Variants in SYNDIG1 observed in about 807,000 individuals in gnomAD.
SYNDIG1 encodes synapse differentiation inducing 1.
A neutral mutation model predicts 19.4 loss-of-function variants in SYNDIG1; 9 were observed. The ratio of observed to expected loss-of-function variants is 0.46; its 90% CI spans 0.28 to 0.81. SYNDIG1 has a LOEUF of 0.81. Among genes scored for constraint, SYNDIG1 ranks in the 30% least tolerant of loss-of-function variants. SYNDIG1 has a pLI of 0.12. For missense variants in SYNDIG1, 311 were observed against 343.3 expected (o/e 0.91, Z 0.74); for synonymous variants, 141 against 145.9 (o/e 0.97, Z 0.24).
At chr20:24,662,202 C>T (rs536221212) in intron 3 of SYNDIG1, among the ~76,000 whole-genome samples, 2 of 151,822 alleles carry the variant, frequency 1.3e-5, no homozygotes, top group East Asian at 3.9e-4. Flanking sequence ...TGTCCGTCCT[C>T]TGCTTGTGTA....
At chr20:24,534,059 A>G (rs1322321797) in intron 1 of SYNDIG1, among the ~76,000 whole-genome samples, 1 of 152,030 alleles carries the variant, frequency 6.6e-6, no homozygotes, top group Non-Finnish European at 1.5e-5. Flanking sequence ...ACAAAGGGGG[A>G]GCAAGAGAAA....
At chr20:24,632,212 C>A (rs369340307) in intron 3 of SYNDIG1, among the ~76,000 whole-genome samples, 1 of 152,080 alleles carries the variant, frequency 6.6e-6, no homozygotes, top group Non-Finnish European at 1.5e-5. Context: ...TTCCCTGCTG[C>A]GTAGATTTCA....
rs1181928495 is a variant in SYNDIG1 at position 24,543,297 on chromosome 20, G to A, written c.200G>A (p.Ser67Asn). ...CCGGCCAGCCTGGACAGCAGCAGGA[G>A]TGAGCCGATGCAGCAGCTGCTGGAC... is the stretch of plus-strand genomic sequence containing the variant. The part of the protein sequence containing the change: ...TVPASLDSSR[S>N]EPMQQLLDPN... Residue 67 changes from serine to asparagine, a missense_variant, in exon 2 of 4, where the codon AGT becomes AAT. By Grantham distance (46) the Ser-to-Asn change is conservative (BLOSUM62 1). Transcript: ENST00000376862. 1.2e-6 allele frequency: 2 copies of A among 1,613,496 alleles called. No homozygotes were observed. Among genetic ancestry groups the A allele is most frequent in the East Asian group, 2.2e-5 (1 of 44,900 alleles).
At chr20:24,573,833 A>C (rs903538488) in intron 2 of SYNDIG1, among the ~76,000 whole-genome samples, 1 of 151,896 alleles carries the variant, frequency 6.6e-6, no homozygotes, top group Non-Finnish European at 1.5e-5. Context: ...GTATCCAGCA[A>C]CCCCCAGTTC....
intron 3 of SYNDIG1, among the ~76,000 whole-genome samples, chr20:24,617,628 C>T (rs1397261577): frequency 6.6e-6 from 1 of 152,170 alleles, no homozygotes; most frequent in Non-Finnish European, 1.5e-5. Context: ...CAGCAAAGCC[C>T]GGGGGTGCAT....
intron 2 of SYNDIG1, among the ~76,000 whole-genome samples, chr20:24,549,465 A>T (rs981256401): frequency 2.6e-5 from 4 of 152,168 alleles, no homozygotes; most frequent in African/African-American, 9.7e-5. Flanking sequence ...CCCTTGCAGG[A>T]CGTGGGGTGG....
chr20:24,493,313 C>A (rs1386140542), intron 1 of SYNDIG1, among the ~76,000 whole-genome samples: 2 of 152,184 alleles, frequency 1.3e-5, no homozygotes, highest in African/African-American at 4.8e-5. Context: ...CATGCATGGG[C>A]ACACAAGCAT....
intron 1 of SYNDIG1, chr20:24,495,814 T>C (rs1200697482): frequency 6.6e-6 from 1 of 152,034 alleles, no homozygotes; most frequent in Non-Finnish European, 1.5e-5. Flanking sequence ...GAAATGGAGG[T>C]AGTTATTATT....
At chr20:24,553,617 T>G (rs553575208) in intron 2 of SYNDIG1, among the ~76,000 whole-genome samples, 1 of 152,336 alleles carries the variant, frequency 6.6e-6, no homozygotes, top group South Asian at 2.1e-4. Context: ...ATCAGATAGT[T>G]GTAGATATGT....
chr20:24,614,791 G>A (rs1005363908), intron 3 of SYNDIG1, among the ~76,000 whole-genome samples: 2 of 152,122 alleles, frequency 1.3e-5, no homozygotes, highest in Non-Finnish European at 2.9e-5. Context: ...GTCCTGCTTC[G>A]CCTATTTAAA....
intron 2 of SYNDIG1, among the ~76,000 whole-genome samples, chr20:24,574,112 A>T (rs1184732408): frequency 7.9e-5 from 12 of 152,118 alleles, no homozygotes; most frequent in Admixed American, 7.2e-4. Context: ...CTTTGCTGAG[A>T]TCACCTCCCA....
intron 3 of SYNDIG1, among the ~76,000 whole-genome samples, chr20:24,639,587 C>T (rs981256961): frequency 5.3e-5 from 8 of 152,146 alleles, no homozygotes; most frequent in East Asian, 3.9e-4. Flanking sequence ...ATTGAGTTGT[C>T]GGCGTGATGT....
At chr20:24,608,634 G>A (rs1344565194) in intron 3 of SYNDIG1, among the ~76,000 whole-genome samples, 2 of 152,128 alleles carry the variant, frequency 1.3e-5, no homozygotes, top group South Asian at 2.1e-4. Flanking sequence ...TATTATGTAC[G>A]CTGATCTCAC....
chr20:24,501,121 A>G (rs1462938780), intron 1 of SYNDIG1, among the ~76,000 whole-genome samples: 1 of 152,246 alleles, frequency 6.6e-6, no homozygotes, highest in African/African-American at 2.4e-5. Flanking sequence ...ACCTATGTAG[A>G]TAACATCTAT....
intron 2 of SYNDIG1, among the ~76,000 whole-genome samples, chr20:24,582,649 G>A (rs75668374): frequency 0.033 from 5,003 of 151,966 alleles, 244 homozygotes; most frequent in African/African-American, 0.11. Context: ...CAACTCCCCC[G>A]TGAATTATGC....
At chr20:24,661,485 G>GA in intron 3 of SYNDIG1, among the ~76,000 whole-genome samples, 1 of 62,386 alleles carries the variant, frequency 1.6e-5, no homozygotes, top group Non-Finnish European at 4.0e-5. Context: ...GAAGAGGGAG[G>GA]AAGAAGGGAG....
chr20:24,582,161 A>ATATC (rs2058337119), intron 2 of SYNDIG1, among the ~76,000 whole-genome samples: 1 of 88,370 alleles, frequency 1.1e-5, no homozygotes, highest in African/African-American at 4.6e-5. Context: ...TCCCCACTGC[A>ATATC]CTCCCTCCCG....
At chr20:24,495,185 T>G (rs2056265873) in intron 1 of SYNDIG1, among the ~76,000 whole-genome samples, 1 of 152,230 alleles carries the variant, frequency 6.6e-6, no homozygotes, top group Non-Finnish European at 1.5e-5. Context: ...GACCCACTTT[T>G]ATGACATTCT....
At chr20:24,625,994 T>C (rs1332379299) in intron 3 of SYNDIG1, among the ~76,000 whole-genome samples, 1 of 148,410 alleles carries the variant, frequency 6.7e-6, no homozygotes, top group South Asian at 2.1e-4. Context: ...GGCGGGGGGC[T>C]GGCCCCCCCA....
Sources: gnomAD v4.1 joint callset for allele counts (sites outside exome capture counted in the v4.1 genomes callset) on GRCh38, gnomAD v4.1.1 for gene constraint, MANE v1.5 for transcripts, NCBI Gene and HGNC (gene_info 2026-07-23, HGNC 2026-07-21) for gene names.